Variants in ANO4 observed in about 807,000 individuals in gnomAD.
ANO4 encodes anoctamin 4.
ANO4 carries 69 observed loss-of-function variants against 141.9 expected under a neutral mutation model. The ratio of observed to expected loss-of-function variants is 0.49; its 90% CI spans 0.40 to 0.59. The LOEUF (loss-of-function observed/expected upper bound fraction) is 0.59, where lower values mean the gene tolerates loss of function less well. Ranked by LOEUF, ANO4 falls within the 20% of genes least tolerant of loss-of-function variation. The pLI is 0.00. For synonymous variants in ANO4, 350 were observed against 394.3 expected, an observed-to-expected ratio of 0.89 and a Z score of 1.33; for missense variants, 894 against 1,162.2, an observed-to-expected ratio of 0.77 and a Z score of 3.36.
At chr12:100,763,416 G>A (rs2032957694) in intron 3 of ANO4, among the ~76,000 whole-genome samples, 1 of 152,134 alleles carries the variant, frequency 6.6e-6, no homozygotes, top group Non-Finnish European at 1.5e-5. Flanking sequence ...AAGGTTAAAT[G>A]GACACATATT....
intron 1 of ANO4, among the ~76,000 whole-genome samples, chr12:100,859,907 T>C (rs967274368): frequency 1.4e-4 from 22 of 152,174 alleles, no homozygotes; most frequent in African/African-American, 3.9e-4. Flanking sequence ...GTACCAAATA[T>C]TCAGCACCTG....
intron 9 of ANO4, among the ~76,000 whole-genome samples, chr12:101,034,746 T>C (rs1001215576): frequency 3.3e-5 from 5 of 152,168 alleles, no homozygotes. Context: ...AAAAATCTTA[T>C]TGAGCATAAG....
At chr12:100,773,108 G>A (rs887142970) in intron 3 of ANO4, among the ~76,000 whole-genome samples, 1 of 152,162 alleles carries the variant, frequency 6.6e-6, no homozygotes, top group Non-Finnish European at 1.5e-5. Flanking sequence ...CCATGATCAA[G>A]GTACCAGCAG....
intron 3 of ANO4, among the ~76,000 whole-genome samples, chr12:100,776,168 T>G (rs1436396187): frequency 6.6e-6 from 1 of 152,170 alleles, no homozygotes; most frequent in Admixed American, 6.5e-5. Context: ...TAAAGTAACC[T>G]GTCCAGTTTT....
At chr12:101,089,889 AT>A (rs1252639302) in intron 17 of ANO4, among the ~76,000 whole-genome samples, 1 of 152,220 alleles carries the variant, frequency 6.6e-6, no homozygotes, top group Non-Finnish European at 1.5e-5. Context: ...AAGAACTTAA[AT>A]AAATTTACAA....
intron 2 of ANO4, among the ~76,000 whole-genome samples, chr12:100,911,214 G>A (rs1226663786): frequency 6.6e-6 from 1 of 152,118 alleles, no homozygotes. Flanking sequence ...TTTGATGGGT[G>A]GGGAAACTAA....
At chr12:100,755,546 T>C (rs933857365) in intron 3 of ANO4, among the ~76,000 whole-genome samples, 2 of 152,236 alleles carry the variant, frequency 1.3e-5, no homozygotes, top group Non-Finnish European at 2.9e-5. Context: ...TTAAATGACT[T>C]GATTATTTAA....
At chr12:100,842,603 A>G (rs1376060644) in intron 1 of ANO4, among the ~76,000 whole-genome samples, 1 of 152,104 alleles carries the variant, frequency 6.6e-6, no homozygotes, top group African/African-American at 2.4e-5. Context: ...AGACTGGGTA[A>G]TATAAAGATA....
chr12:100,748,650 C>T (rs998042065), intron 3 of ANO4, among the ~76,000 whole-genome samples: 2 of 152,186 alleles, frequency 1.3e-5, no homozygotes, highest in African/African-American at 4.8e-5. Context: ...TGTCGTTAGA[C>T]CATTCACAAG....
At chr12:100,884,774 A>G (rs1354895403) in intron 1 of ANO4, among the ~76,000 whole-genome samples, 1 of 152,094 alleles carries the variant, frequency 6.6e-6, no homozygotes, top group Non-Finnish European at 1.5e-5. Flanking sequence ...AGCTCACTGT[A>G]ATCTCTGCCT....
chr12:100,946,766 G>A (rs908546872), intron 5 of ANO4, among the ~76,000 whole-genome samples: 1 of 152,082 alleles, frequency 6.6e-6, no homozygotes. Flanking sequence ...ATGAGAAGAG[G>A]TCCAAGGATT....
chr12:100,820,100 C>T (rs2035956765), intron 1 of ANO4, among the ~76,000 whole-genome samples: 1 of 151,030 alleles, frequency 6.6e-6, no homozygotes, highest in South Asian at 2.1e-4. Flanking sequence ...TCTCTCCCTT[C>T]CTTCCAGTTT....
At chr12:100,948,992 A>T (rs974103415) in intron 5 of ANO4, among the ~76,000 whole-genome samples, 1 of 152,184 alleles carries the variant, frequency 6.6e-6, no homozygotes, top group Admixed American at 6.5e-5. Context: ...GCCTATGAAG[A>T]GGGCCACCTA....
intron 1 of ANO4, among the ~76,000 whole-genome samples, chr12:100,840,609 G>A (rs1185030754): frequency 1.3e-5 from 2 of 152,072 alleles, no homozygotes; most frequent in Non-Finnish European, 2.9e-5. Context: ...TCAGAGGTTG[G>A]AATTAGGAAC....
intron 7 of ANO4, among the ~76,000 whole-genome samples, chr12:100,975,994 C>T (rs1397249756): frequency 1.3e-5 from 2 of 149,544 alleles, no homozygotes; most frequent in Non-Finnish European, 3.0e-5. Flanking sequence ...ACTTTGTATC[C>T]TCCGAAAGCT....
At position 100,998,497 on chromosome 12, in the gene ANO4, G is replaced by A. The variant is rs138784641; in HGVS notation, c.734+10827G>A. 1.4e-3 allele frequency among the ~76,000 whole-genome samples: 220 copies of A among 152,014 alleles called. 1 individual carries two copies. The highest frequency in any genetic ancestry group is 5.0e-3 in the African/African-American group (209 of 41,430). On this transcript the variant is annotated intron_variant, in intron 8 of 27. Transcript: ENST00000392977. ...TCTAGTTGTCTTTGTTGTTTGAACTGTATTCTTTAAAAACTAAATTTGAAA... is the reference window on the plus strand; with the variant it reads ...TCTAGTTGTCTTTGTTGTTTGAACTATATTCTTTAAAAACTAAATTTGAAA...
chr12:101,126,947 T>C lies in ANO4; in HGVS notation c.2745T>C (p.Asp915=), dbSNP rs1485802289. 6 of 1,613,940 alleles carry C rather than the reference T, an allele frequency of 3.7e-6. No individual in the cohort carries two copies. Among genetic ancestry groups the C allele is most frequent in the Non-Finnish European group, 5.1e-6 (6 of 1,180,014 alleles). The change falls in exon 27 of 28, where the codon GAT becomes GAC. Residue 915 remains aspartate, a synonymous_variant. Transcript: ENST00000392977. ...LIPDLPKDLR[D]RMRREKYLIQ... ...CAGACCTCCCAAAAGACCTAAGGGA[T>C]CGAATGAGAAGAGAGAAGTACTTGA...
At chr12:101,057,493 G>A (rs502697) in intron 14 of ANO4, among the ~76,000 whole-genome samples, 38,507 of 151,974 alleles carry the variant, frequency 0.25, 5,194 homozygotes, top group East Asian at 0.56. Context: ...GTGTAAAAGC[G>A]TTCCTATTTC....
At chr12:100,945,862 C>G (rs1000121243) in intron 5 of ANO4, among the ~76,000 whole-genome samples, 5 of 152,132 alleles carry the variant, frequency 3.3e-5, no homozygotes, top group East Asian at 1.9e-4. Flanking sequence ...CACACTCACT[C>G]TATGCCAGGC....
Sources: gnomAD v4.1 joint callset for allele counts (sites outside exome capture counted in the v4.1 genomes callset) on GRCh38, gnomAD v4.1.1 for gene constraint, MANE v1.5 for transcripts, NCBI Gene and HGNC (gene_info 2026-07-23, HGNC 2026-07-21) for gene names.